TRIM44: variants seen among roughly 807,000 people sequenced by gnomAD.
The protein encoded by TRIM44 is tripartite motif containing 44.
A neutral mutation model predicts 37.4 loss-of-function variants in TRIM44; 13 were observed. The observed-to-expected ratio is 0.35, with a 90% CI of 0.23 to 0.55. TRIM44 has a LOEUF of 0.55. TRIM44 is among the 20% of genes least tolerant of loss of function. The pLI, the probability that TRIM44 is intolerant of heterozygous loss-of-function variation, is 0.89. For missense variants in TRIM44, 426 were observed against 437.2 expected (o/e 0.97, Z 0.23); for synonymous variants, 175 against 157.2 (o/e 1.11, Z -0.85).
At chr11:35,666,119 A>G (rs1287525854) in intron 1 of TRIM44, among the ~76,000 whole-genome samples, 2 of 152,112 alleles carry the variant, frequency 1.3e-5, no homozygotes, top group Admixed American at 6.5e-5. Context: ...CTCCATACAG[A>G]TGGCCAATTG....
intron 3 of TRIM44, among the ~76,000 whole-genome samples, chr11:35,728,953 T>A (rs1467134704): frequency 6.6e-6 from 1 of 152,172 alleles, no homozygotes; most frequent in African/African-American, 2.4e-5. Flanking sequence ...GTAAACACAT[T>A]CTATTTTACT....
At chr11:35,756,301 CTGTT>C (rs1228662511) in intron 4 of TRIM44, among the ~76,000 whole-genome samples, 3 of 151,914 alleles carry the variant, frequency 2.0e-5, no homozygotes, top group Admixed American at 6.6e-5. Flanking sequence ...ATTTGGCTCT[CTGTT>C]TGTCTGTTAT....
At chr11:35,775,780 T>G (rs1006451015) in intron 4 of TRIM44, among the ~76,000 whole-genome samples, 4 of 152,226 alleles carry the variant, frequency 2.6e-5, no homozygotes, top group South Asian at 2.1e-4. Flanking sequence ...GTTTATTGAT[T>G]TGCGTATGTT....
intron 2 of TRIM44, among the ~76,000 whole-genome samples, chr11:35,709,541 A>G (rs1851939602): frequency 6.6e-6 from 1 of 152,206 alleles, no homozygotes; most frequent in African/African-American, 2.4e-5. Context: ...AACTGGATCC[A>G]AGCCAATTAA....
At chr11:35,722,909 CTT>C (rs1852126272) in intron 2 of TRIM44, among the ~76,000 whole-genome samples, 1 of 152,174 alleles carries the variant, frequency 6.6e-6, no homozygotes, top group Non-Finnish European at 1.5e-5. Context: ...GGATGCTTCT[CTT>C]TTGAGTAGCT....
chr11:35,787,297 G>A (rs1791646453), intron 4 of TRIM44, among the ~76,000 whole-genome samples: 3 of 152,100 alleles, frequency 2.0e-5, no homozygotes, highest in Non-Finnish European at 4.4e-5. Flanking sequence ...AGTGGGTTAT[G>A]GTATGGTTAA....
At chr11:35,708,796 G>A (rs947755519) in intron 2 of TRIM44, among the ~76,000 whole-genome samples, 1 of 151,862 alleles carries the variant, frequency 6.6e-6, no homozygotes, top group African/African-American at 2.4e-5. Flanking sequence ...AGCATTAGGG[G>A]ATATACCTAA....
At chr11:35,728,788 T>C (rs1201888660) in intron 3 of TRIM44, among the ~76,000 whole-genome samples, 1 of 152,232 alleles carries the variant, frequency 6.6e-6, no homozygotes, top group East Asian at 1.9e-4. Flanking sequence ...TTACAGATTA[T>C]GCCTATGTAC....
intron 4 of TRIM44, among the ~76,000 whole-genome samples, chr11:35,775,531 C>A (rs1487540952): frequency 6.6e-6 from 1 of 152,188 alleles, no homozygotes; most frequent in Non-Finnish European, 1.5e-5. Context: ...TGAGAGAGGG[C>A]ATCCCTGTCT....
At chr11:35,759,553 TC>T (rs1385064593) in intron 4 of TRIM44, among the ~76,000 whole-genome samples, 1 of 152,238 alleles carries the variant, frequency 6.6e-6, no homozygotes, top group African/African-American at 2.4e-5. Flanking sequence ...GTAGCTGCAT[TC>T]CTTTGGAGGA....
intron 4 of TRIM44, among the ~76,000 whole-genome samples, chr11:35,803,883 C>T (rs1313981790): frequency 2.0e-5 from 3 of 151,552 alleles, no homozygotes; most frequent in South Asian, 4.1e-4. Context: ...CTGAGCAAAG[C>T]TCTGTGTTAT....
chr11:35,692,291 C>G (rs1851645259), intron 2 of TRIM44, among the ~76,000 whole-genome samples: 1 of 152,218 alleles, frequency 6.6e-6, no homozygotes, highest in African/African-American at 2.4e-5. Flanking sequence ...GATTCTCATG[C>G]ACATGGTCAT....
At position 35,813,731 on chromosome 11, in the gene TRIM44, A is replaced by C. The variant is rs1853551961; in HGVS notation, c.*7346A>C. On this transcript the variant is annotated 3_prime_UTR_variant, in exon 5 of 5. Transcript: ENST00000299413. ...AAAAAACTATGCTTAGAAGACAAAA[A>C]TATGTATATCAAACATTTTAGAAAT... 6.6e-6 allele frequency: 1 copy of C among 152,164 alleles called. No homozygotes were observed. The highest frequency in any genetic ancestry group is 3.2e-3 in the Middle Eastern group (1 of 316). The allele number at this position is 152,164 out of a possible 1,614,324, so 9.4% of individuals were successfully genotyped here.
intron 4 of TRIM44, among the ~76,000 whole-genome samples, chr11:35,759,823 C>T (rs1852697953): frequency 6.6e-6 from 1 of 152,206 alleles, no homozygotes; most frequent in Non-Finnish European, 1.5e-5. Flanking sequence ...TATTGGTGAA[C>T]AGCAAATGTT....
chr11:35,767,433 T>A (rs1206149888), intron 4 of TRIM44, among the ~76,000 whole-genome samples: 1 of 152,130 alleles, frequency 6.6e-6, no homozygotes, highest in African/African-American at 2.4e-5. Flanking sequence ...TAGATAATCC[T>A]CAGTACTACT....
In TRIM44 at chr11:35,815,329, T is replaced by G. The variant is rs1022055219; in HGVS notation, c.*8944T>G. On this transcript the variant is annotated 3_prime_UTR_variant, in exon 5 of 5. Transcript: ENST00000299413. ...ACATTATGAGACCTTTTAGACCCAGTTGGATGGCTGTATCCTAGTATGAAA... is the reference window on the plus strand; with the variant it reads ...ACATTATGAGACCTTTTAGACCCAGGTGGATGGCTGTATCCTAGTATGAAA... 6.6e-6 allele frequency: 1 copy of G among 152,116 alleles called. No homozygotes were observed. The highest frequency in any genetic ancestry group is 6.6e-5 in the Admixed American group (1 of 15,264). 9.4% of individuals were successfully genotyped at this position (152,116 alleles called of 1,614,324 possible).
chr11:35,712,251 A>G (rs1393162244), intron 2 of TRIM44, among the ~76,000 whole-genome samples: 2 of 152,214 alleles, frequency 1.3e-5, no homozygotes, highest in East Asian at 1.9e-4. Context: ...TGAAGCAAGT[A>G]TGTTTATTGT....
At chr11:35,799,179 G>T (rs1055131164) in intron 4 of TRIM44, among the ~76,000 whole-genome samples, 8 of 152,372 alleles carry the variant, frequency 5.3e-5, no homozygotes, top group African/African-American at 1.7e-4. Flanking sequence ...GGGCAGGCCT[G>T]CTGGCTCCTT....
At chr11:35,694,441 C>G (rs1195478846) in intron 2 of TRIM44, among the ~76,000 whole-genome samples, 1 of 152,090 alleles carries the variant, frequency 6.6e-6, no homozygotes, top group East Asian at 1.9e-4. Flanking sequence ...TACATTGGGC[C>G]TTCATCTTTT....
Sources: gnomAD v4.1 joint callset for allele counts (sites outside exome capture counted in the v4.1 genomes callset) on GRCh38, gnomAD v4.1.1 for gene constraint, MANE v1.5 for transcripts, NCBI Gene and HGNC (gene_info 2026-07-23, HGNC 2026-07-21) for gene names.